Variants in CSN1S1 observed in about 807,000 individuals in gnomAD.
CSN1S1 encodes alpha-S1-casein.
Under a neutral mutation model 49.1 loss-of-function variants are expected in CSN1S1, and 63 were observed. The observed-to-expected ratio is 1.28, with a 90% CI of 1.05 to 1.58. The LOEUF (loss-of-function observed/expected upper bound fraction) is 1.58, where lower values mean the gene tolerates loss of function less well. Ranked by LOEUF, CSN1S1 falls within the 40% of genes most tolerant of loss-of-function variation. The pLI, the probability that CSN1S1 is intolerant of heterozygous loss-of-function variation, is 0.00. For synonymous variants in CSN1S1, 78 were observed against 67.1 expected, an observed-to-expected ratio of 1.16 and a Z score of -0.79; for missense variants, 260 against 224.7, an observed-to-expected ratio of 1.16 and a Z score of -1.01.
intron 8 of CSN1S1, 23 bp from the exon 9 acceptor site, chr4:69,937,777 T>G: frequency 6.3e-7 from 1 of 1,575,676 alleles, no homozygotes; most frequent in Non-Finnish European, 8.6e-7. Context: ...AAAAATGAAA[T>G]TGATTATTTT....
At chr4:69,939,627 C>T (rs931819493) in intron 10 of CSN1S1, among the ~76,000 whole-genome samples, 3 of 151,736 alleles carry the variant, frequency 2.0e-5, no homozygotes, top group African/African-American at 7.2e-5. Flanking sequence ...CTACTCTCCA[C>T]TCTTTGCCCT....
intron 4 of CSN1S1, among the ~76,000 whole-genome samples, chr4:69,934,961 G>T (rs921374347): frequency 3.9e-5 from 6 of 152,046 alleles, no homozygotes; most frequent in South Asian, 2.1e-4. Context: ...TAAGGTGTAG[G>T]TGTTCTTTAG....
intron 3 of CSN1S1, 31 bp from the exon 4 acceptor site, chr4:69,934,659 A>G (rs77374532): frequency 0.078 from 124,630 of 1,589,056 alleles, 5,274 homozygotes; most frequent in Middle Eastern, 0.12. Context: ...CAATTGGAAT[A>G]ATACCATTTA....
chr4:69,934,738 T>C (rs1254848439), intron 4 of CSN1S1, 28 bp downstream of exon 4: 9 of 1,600,256 alleles, frequency 5.6e-6, no homozygotes, highest in Admixed American at 1.7e-5. Flanking sequence ...GGAGTCAGGA[T>C]TCTCTCTTCC....
intron 7 of CSN1S1, 67 bp from the exon 8 acceptor site, chr4:69,937,054 C>T (rs918322580): frequency 3.0e-6 from 4 of 1,352,020 alleles, no homozygotes; most frequent in Non-Finnish European, 4.1e-6. Context: ...GGTGCTCAAA[C>T]TTTATGAGAT....
intron 2 of CSN1S1, among the ~76,000 whole-genome samples, chr4:69,933,751 C>T (rs1401642529): frequency 1.3e-5 from 2 of 151,796 alleles, no homozygotes; most frequent in East Asian, 1.9e-4. Flanking sequence ...GATCAATTTT[C>T]GTATAATTTA....
intron 9 of CSN1S1, among the ~76,000 whole-genome samples, chr4:69,938,551 A>C (rs964681969): frequency 8.6e-5 from 13 of 151,736 alleles, no homozygotes; most frequent in Non-Finnish European, 1.9e-4. Context: ...GACTTATTAC[A>C]TATGGTTAAT....
chr4:69,932,707 G>A, intron 2 of CSN1S1, 101 bp downstream of exon 2: 2 of 1,065,568 alleles, frequency 1.9e-6, no homozygotes, highest in Non-Finnish European at 2.8e-6. Flanking sequence ...TTAAAGCACT[G>A]GATGATCTCT....
intron 2 of CSN1S1, 77 bp downstream of exon 2, chr4:69,932,683 C>T: frequency 1.6e-6 from 2 of 1,284,466 alleles, no homozygotes; most frequent in Non-Finnish European, 2.2e-6. Context: ...CATAGGATAC[C>T]CAGAGAAATA....
intron 14 of CSN1S1, 71 bp from the exon 15 acceptor site, chr4:69,944,779 T>C: frequency 2.7e-6 from 4 of 1,457,190 alleles, no homozygotes; most frequent in Non-Finnish European, 2.9e-6. Flanking sequence ...ATGAGATGTA[T>C]TGATATTTTT....
chr4:69,932,473 C>G (rs1406646667), intron 1 of CSN1S1, 71 bp from the exon 2 acceptor site: 18 of 1,365,872 alleles, frequency 1.3e-5, no homozygotes. Flanking sequence ...GTTGAAAAAT[C>G]AAGAATTTTT....
chr4:69,942,072 A>G lies in CSN1S1; in HGVS notation c.360+9A>G, dbSNP rs1369006772. The G allele has an allele frequency of 7.0e-7, 1 of 1,435,120 alleles. No homozygotes were observed. The highest frequency in any genetic ancestry group is 1.4e-5 in the South Asian group (1 of 69,332). The allele number at this position is 1,435,120 out of a possible 1,614,324, so 88.9% of individuals were successfully genotyped here. The stretch of plus-strand genomic sequence containing the variant: ...AAGCTGCCCATGCCCAGGTGAGATT[A>G]TTTATTAAATCTAAAATATTTTAGT... On this transcript the variant is annotated intron_variant, in intron 13 of 15. Transcript: ENST00000246891.
At chr4:69,933,178 G>A (rs1333526537) in intron 2 of CSN1S1, among the ~76,000 whole-genome samples, 1 of 151,706 alleles carries the variant, frequency 6.6e-6, no homozygotes, top group African/African-American at 2.4e-5. Flanking sequence ...ACTAGATAAT[G>A]TGAATTAAAA....
intron 2 of CSN1S1, 96 bp downstream of exon 2, chr4:69,932,702 G>T: frequency 9.0e-7 from 1 of 1,109,832 alleles, no homozygotes; most frequent in Admixed American, 2.0e-5. Context: ...TAATCTTAAA[G>T]CACTGGATGA....
At chr4:69,942,278 G>A (rs1578136923) in intron 13 of CSN1S1, among the ~76,000 whole-genome samples, 1 of 151,796 alleles carries the variant, frequency 6.6e-6, no homozygotes, top group South Asian at 2.1e-4. Context: ...GAAATGGTAG[G>A]TTATTATTTT....
chr4:69,932,486 C>T, intron 1 of CSN1S1, 58 bp from the exon 2 acceptor site: 1 of 1,463,584 alleles, frequency 6.8e-7, no homozygotes, highest in Non-Finnish European at 9.3e-7. Context: ...GAATTTTTTT[C>T]AGGAAACAAA....
At chr4:69,934,780 G>A (rs760093889) in intron 4 of CSN1S1, 70 bp downstream of exon 4, 1 of 1,338,606 alleles carries the variant, frequency 7.5e-7, no homozygotes, top group Admixed American at 1.8e-5. Context: ...TGTCATGCAT[G>A]TTGAATGTCT....
chr4:69,940,003 G>A lies in CSN1S1; in HGVS notation c.277-18G>A. The A allele has an allele frequency of 1.5e-6, 2 of 1,364,916 alleles. No individual in the cohort carries two copies. Among genetic ancestry groups the A allele is most frequent in the Non-Finnish European group, 2.0e-6 (2 of 1,008,020 alleles). The allele number at this position is 1,364,916 out of a possible 1,614,324, so 84.6% of individuals were successfully genotyped here. A position where few individuals can be genotyped will look rare whatever the true frequency, so the allele number is the denominator to read the frequency against. ...ATGTCGTGAAATTAAAACTATGCAT[G>A]TTTTAATTTTTTTAAAGGAAATGTC... On this transcript the variant is annotated intron_variant, in intron 10 of 15. Transcript: ENST00000246891.
At chr4:69,934,312 T>C in intron 3 of CSN1S1, 68 bp downstream of exon 3, 1 of 1,438,302 alleles carries the variant, frequency 7.0e-7, no homozygotes, top group Non-Finnish European at 9.7e-7. Flanking sequence ...AATGTGCGCT[T>C]CCCTTCTCTA....
Sources: gnomAD v4.1 joint callset for allele counts (sites outside exome capture counted in the v4.1 genomes callset) on GRCh38, gnomAD v4.1.1 for gene constraint, MANE v1.5 for transcripts, NCBI Gene and HGNC (gene_info 2026-07-23, HGNC 2026-07-21) for gene names.